The following SEMA3A variants were observed in gnomAD, a reference collection of about 807,000 sequenced individuals.
The protein encoded by SEMA3A is semaphorin-3A.
Under a neutral mutation model 97.9 loss-of-function variants are expected in SEMA3A, and 29 were observed. The observed-to-expected ratio is 0.30, with a 90% confidence interval of 0.22 to 0.40. The LOEUF is 0.40. SEMA3A is among the 10% of genes least tolerant of loss of function. The pLI is 1.00. For missense variants in SEMA3A, 763 were observed against 951.3 expected (o/e 0.80, Z 2.60); for synonymous variants, 321 against 323.7 (o/e 0.99, Z 0.09).
intron 3 of SEMA3A, among the ~76,000 whole-genome samples, chr7:84,287,383 G>A (rs1352996725): frequency 6.6e-6 from 1 of 151,930 alleles, no homozygotes; most frequent in South Asian, 2.1e-4. Context: ...AAAATTTTTA[G>A]TATATTCCAT....
chr7:84,004,842 C>A (rs1461021116), intron 11 of SEMA3A, among the ~76,000 whole-genome samples: 4 of 152,102 alleles, frequency 2.6e-5, no homozygotes, highest in African/African-American at 7.2e-5. Context: ...TAGAAACTGG[C>A]CTCAGTTCTT....
chr7:84,246,361 G>A (rs1799477071), intron 3 of SEMA3A, among the ~76,000 whole-genome samples: 1 of 152,130 alleles, frequency 6.6e-6, no homozygotes, highest in South Asian at 2.1e-4. Context: ...GTTTAAAAAT[G>A]CACTTGACAA....
chr7:84,425,485 AT>A (rs1382799337), intron 1 of SEMA3A, among the ~76,000 whole-genome samples: 1 of 142,152 alleles, frequency 7.0e-6, no homozygotes, highest in Non-Finnish European at 1.5e-5. Context: ...TTATATAAAA[AT>A]ATAATTATAT....
chr7:84,398,596 A>T (rs947757050), intron 1 of SEMA3A, among the ~76,000 whole-genome samples: 7 of 151,000 alleles, frequency 4.6e-5, no homozygotes, highest in Admixed American at 6.6e-5. Context: ...TGTCTCTACA[A>T]TTTTTTTTCT....
At chr7:84,002,670 C>T (rs920999721) in intron 11 of SEMA3A, among the ~76,000 whole-genome samples, 14 of 152,128 alleles carry the variant, frequency 9.2e-5, no homozygotes, top group African/African-American at 3.4e-4. Context: ...AACCCGATTT[C>T]TCAAAGTAAA....
At chr7:84,037,735 A>G (rs1247651557) in intron 6 of SEMA3A, among the ~76,000 whole-genome samples, 3 of 152,074 alleles carry the variant, frequency 2.0e-5, no homozygotes, top group African/African-American at 7.2e-5. Context: ...ATTTATTTTA[A>G]AAGTATAACT....
chr7:84,283,508 A>T (rs181885312), intron 3 of SEMA3A, among the ~76,000 whole-genome samples: 1 of 152,254 alleles, frequency 6.6e-6, no homozygotes, highest in Admixed American at 6.6e-5. Flanking sequence ...CATAAAGAGG[A>T]CCAAAAAGTA....
At chr7:84,071,076 A>T (rs1422548925) in intron 4 of SEMA3A, among the ~76,000 whole-genome samples, 1 of 152,076 alleles carries the variant, frequency 6.6e-6, no homozygotes, top group African/African-American at 2.4e-5. Flanking sequence ...TTTTCCTTAA[A>T]AGGCGACTTT....
At chr7:84,105,266 G>A (rs1795074878) in intron 4 of SEMA3A, among the ~76,000 whole-genome samples, 1 of 152,110 alleles carries the variant, frequency 6.6e-6, no homozygotes, top group African/African-American at 2.4e-5. Context: ...AACTCAACTA[G>A]AATGGGTTAG....
chr7:84,061,733 A>T (rs1411432465), intron 4 of SEMA3A, among the ~76,000 whole-genome samples: 1 of 152,192 alleles, frequency 6.6e-6, no homozygotes, highest in Non-Finnish European at 1.5e-5. Flanking sequence ...CATTTGAATT[A>T]GGGACGAAAG....
rs113118966 is a variant in SEMA3A, at chr7:84,313,462, A to G, written c.-168-6170T>C. Reference sequence around the variant, plus strand: ...TTCTTGGCTACAGTTATGAACCTTGATACAATCACTATTTTGGAACCTTCC... The same window carrying G: ...TTCTTGGCTACAGTTATGAACCTTGGTACAATCACTATTTTGGAACCTTCC... On this transcript the variant is annotated intron_variant, in intron 2 of 3. Transcript: ENST00000424555. Among the ~76,000 whole-genome samples the G allele has an allele frequency of 3.4e-5, 5 of 146,144 alleles. 1 individual carries two copies. Among genetic ancestry groups the G allele is most frequent in the African/African-American group, 1.3e-4 (5 of 39,702 alleles).
At chr7:84,128,730 C>T (rs961029679) in intron 3 of SEMA3A, among the ~76,000 whole-genome samples, 9 of 151,990 alleles carry the variant, frequency 5.9e-5, no homozygotes, top group Non-Finnish European at 8.8e-5. Flanking sequence ...TACTGCAGGT[C>T]GAGCATCCCT....
intron 6 of SEMA3A, among the ~76,000 whole-genome samples, chr7:84,036,269 T>C (rs1351174652): frequency 1.3e-5 from 2 of 152,150 alleles, no homozygotes; most frequent in Non-Finnish European, 2.9e-5. Flanking sequence ...CCTATAGATG[T>C]ATTAAGACTT....
chr7:84,177,254 T>C (rs988808393), intron 1 of SEMA3A, among the ~76,000 whole-genome samples: 2 of 152,126 alleles, frequency 1.3e-5, no homozygotes, highest in African/African-American at 4.8e-5. Context: ...AAGTTTATTT[T>C]GATTTATCAA....
chr7:84,199,016 A>C (rs1017189718), upstream of SEMA3A, among the ~76,000 whole-genome samples: 1 of 152,190 alleles, frequency 6.6e-6, no homozygotes. Flanking sequence ...CTAATTTTAA[A>C]ATGTTCCCTC....
At chr7:84,035,548 T>A (rs896155846) in intron 6 of SEMA3A, among the ~76,000 whole-genome samples, 2 of 151,936 alleles carry the variant, frequency 1.3e-5, no homozygotes, top group African/African-American at 4.8e-5. Context: ...AAAGAAAAAA[T>A]TAAAATCTTA....
intron 11 of SEMA3A, among the ~76,000 whole-genome samples, chr7:84,003,325 C>T (rs1049377661): frequency 2.0e-5 from 3 of 152,038 alleles, no homozygotes; most frequent in Admixed American, 1.3e-4. Context: ...ATCATGTCTC[C>T]GGTACCCAAA....
chr7:84,266,603 A>C (rs1308521075), intron 3 of SEMA3A, among the ~76,000 whole-genome samples: 5 of 152,156 alleles, frequency 3.3e-5, no homozygotes, highest in Admixed American at 3.3e-4. Flanking sequence ...TGGAAGGCCA[A>C]ATATAACTCA....
At chr7:84,241,980 G>C (rs1799374735) in intron 3 of SEMA3A, among the ~76,000 whole-genome samples, 1 of 152,022 alleles carries the variant, frequency 6.6e-6, no homozygotes, top group Non-Finnish European at 1.5e-5. Context: ...CTGTTCCATT[G>C]GTCTATATAT....
Sources: allele counts gnomAD v4.1 joint callset (sites outside exome capture counted in the v4.1 genomes callset), GRCh38; gene constraint gnomAD v4.1.1; transcripts MANE v1.5; gene names NCBI Gene and HGNC (gene_info 2026-07-23, HGNC 2026-07-21).